The following FBLN1 variants were observed in gnomAD, a reference collection of about 807,000 sequenced individuals.
FBLN1 encodes fibulin-1.
In FBLN1, 34 loss-of-function variants were observed where a neutral mutation model predicts 89.7. That is an observed-to-expected ratio of 0.38 (90% CI 0.29 to 0.50). FBLN1 has a LOEUF of 0.50. Ranked by LOEUF, FBLN1 falls within the 20% of genes least tolerant of loss-of-function variation. FBLN1 has a pLI of 0.92. For missense variants in FBLN1, 777 were observed against 988.1 expected (o/e 0.79, Z 2.86); for synonymous variants, 393 against 391.3 (o/e 1.00, Z -0.05).
rs984619634 is a variant in FBLN1 at position 45,528,791 on chromosome 22, G to C, written c.484+782G>C. ...TCCGTGTCACCATTGCCTTAACTCAGCACGGACTAACTCCGGTTGTCGGAG... is the reference window on the plus strand; with the variant it reads ...TCCGTGTCACCATTGCCTTAACTCACCACGGACTAACTCCGGTTGTCGGAG... On this transcript the variant is annotated intron_variant, in intron 4 of 16. Transcript: ENST00000327858. 4.6e-5 allele frequency among the ~76,000 whole-genome samples: 7 copies of C among 152,130 alleles called. No individual in the cohort carries two copies. The East Asian group carries it at 1.3e-3, about 29-fold the overall frequency.
chr22:45,526,279 T>C (rs1328051392), intron 3 of FBLN1, among the ~76,000 whole-genome samples: 2 of 152,178 alleles, frequency 1.3e-5, no homozygotes, highest in African/African-American at 4.8e-5. Flanking sequence ...CTTCCCTGAG[T>C]GCTCCTAGGA....
At chr22:45,599,711 A>G (rs1477102553) in intron 16 of FBLN1, among the ~76,000 whole-genome samples, 1 of 152,112 alleles carries the variant, frequency 6.6e-6, no homozygotes, top group African/African-American at 2.4e-5. Context: ...TGAGGTCAGG[A>G]GTTTGAGACT....
chr22:45,556,326 G>A lies in FBLN1; in HGVS notation c.1697+5711G>A, dbSNP rs1019138628. ...TTTAAAAGAAGGAGGAAATACTCAC[G>A]ACAATTACAGTCCTCGTTTCTGCAA... On this transcript the variant is annotated intron_variant, in intron 14 of 16. Coordinates refer to ENST00000327858, the MANE Select transcript of FBLN1 (RefSeq NM_006486.3). This position sits in a 1 kb window ranked among gnomAD's most constrained non-coding sequence, Gnocchi z 4.6. 6.6e-6 allele frequency among the ~76,000 whole-genome samples: 1 copy of A among 152,156 alleles called. No homozygotes were observed. The highest frequency in any genetic ancestry group is 2.4e-5 in the African/African-American group (1 of 41,430).
At chr22:45,566,814 C>G (rs1248657517) in intron 14 of FBLN1, among the ~76,000 whole-genome samples, 1 of 152,196 alleles carries the variant, frequency 6.6e-6, no homozygotes, top group Non-Finnish European at 1.5e-5. Context: ...AGAACCTGTG[C>G]TTTCCTGGTT....
At chr22:45,533,736 C>T (rs767352348) in intron 6 of FBLN1, 25 bp from the exon 7 acceptor site, 1 of 1,607,602 alleles carries the variant, frequency 6.2e-7, no homozygotes, top group Non-Finnish European at 8.5e-7. Flanking sequence ...GCTGGTCACC[C>T]CCGCACTGCC....
intron 2 of FBLN1, among the ~76,000 whole-genome samples, chr22:45,523,507 A>G (rs2088279012): frequency 6.6e-6 from 1 of 152,194 alleles, no homozygotes; most frequent in African/African-American, 2.4e-5. Context: ...GTTTGAGACC[A>G]TCCTGGCCAA....
intron 16 of FBLN1, among the ~76,000 whole-genome samples, chr22:45,582,507 C>T (rs12169849): frequency 0.089 from 13,491 of 152,246 alleles, 793 homozygotes; most frequent in South Asian, 0.17. Context: ...GTCACACAGG[C>T]GACCCATCAT....
chr22:45,589,345 T>C (rs542739504), intron 16 of FBLN1, among the ~76,000 whole-genome samples: 25 of 152,146 alleles, frequency 1.6e-4, no homozygotes, highest in African/African-American at 5.8e-4. Context: ...GTTCTACTCT[T>C]TGAGGCTTGA....
chr22:45,555,189 C>T (rs2088769376), intron 14 of FBLN1, among the ~76,000 whole-genome samples: 1 of 150,712 alleles, frequency 6.6e-6, no homozygotes, highest in Non-Finnish European at 1.5e-5. Context: ...TCTGTCTCCA[C>T]CACAAGAAGT....
chr22:45,561,584 T>G lies in FBLN1; in HGVS notation c.1697+10969T>G, dbSNP rs943889419. ...AAGTGGAGTCCTTAGCATTTTTGGA[T>G]CTAATCGTTAACCAGCCAACCCCAG... On this transcript the variant is annotated intron_variant, in intron 14 of 16. Coordinates refer to ENST00000327858, the MANE Select transcript of FBLN1 (RefSeq NM_006486.3). The surrounding 1 kb of genome is among the most constrained non-coding windows in gnomAD (Gnocchi z 4.7). Among the ~76,000 whole-genome samples, 14 of 152,296 alleles carry G rather than the reference T, an allele frequency of 9.2e-5. No individual in the cohort carries two copies. Among genetic ancestry groups the G allele is most frequent in the African/African-American group, 3.1e-4 (13 of 41,560 alleles).
intron 14 of FBLN1, among the ~76,000 whole-genome samples, chr22:45,568,471 C>CCTTCTGTAGGGGAGTGCCT (rs2088917987): frequency 9.6e-6 from 1 of 104,182 alleles, no homozygotes; most frequent in African/African-American, 4.8e-5. Flanking sequence ...GGGGAGTGCT[C>CCTTCTGTAGGGGAGTGCCT]CTTCTGTAGG....
At chr22:45,582,522 C>G (rs999524706) in intron 16 of FBLN1, among the ~76,000 whole-genome samples, 3 of 152,238 alleles carry the variant, frequency 2.0e-5, no homozygotes, top group African/African-American at 7.2e-5. Flanking sequence ...CATCATGCTG[C>G]TCCCTGGGAC....
chr22:45,525,091 AAG>A (rs1405928868), intron 2 of FBLN1, among the ~76,000 whole-genome samples: 1 of 148,782 alleles, frequency 6.7e-6, no homozygotes, highest in African/African-American at 2.5e-5. Flanking sequence ...GAAAGAGAGA[AAG>A]AGAGAAAGGG....
Position 45,527,333 on chromosome 22 carries a change from G to A in FBLN1, c.322-514G>A, listed in dbSNP as rs556854626. Among the ~76,000 whole-genome samples, 11 of 152,292 alleles carry A rather than the reference G, an allele frequency of 7.2e-5. No homozygotes were observed. In the South Asian group the frequency reaches 8.3e-4, roughly 11 times the overall value. On this transcript the variant is annotated intron_variant, in intron 3 of 16. Transcript: ENST00000327858. ...GTCCTTTGACCTTGCTTGATGACTCGTCTTGAAGTTCCTGTGCTTTCAAAT... is the reference window on the plus strand; with the variant it reads ...GTCCTTTGACCTTGCTTGATGACTCATCTTGAAGTTCCTGTGCTTTCAAAT...
chr22:45,523,683 G>A (rs548934331), intron 2 of FBLN1, among the ~76,000 whole-genome samples: 9 of 152,280 alleles, frequency 5.9e-5, no homozygotes, highest in South Asian at 2.1e-4. Context: ...CAGCCTGGGC[G>A]ACAGAGCAAG....
At chr22:45,503,886 C>G (rs1432728577) in intron 1 of FBLN1, among the ~76,000 whole-genome samples, 1 of 152,200 alleles carries the variant, frequency 6.6e-6, no homozygotes, top group Non-Finnish European at 1.5e-5. Context: ...CCGCGCTTTT[C>G]TCCCCTCTAA....
rs1298350920 is a variant in FBLN1, at chr22:45,549,049, CAGAGG to C, written c.1573+306_1573+310del. Among the ~76,000 whole-genome samples, 10 of 152,312 alleles carry C rather than the reference CAGAGG, an allele frequency of 6.6e-5. No homozygotes were observed. In the South Asian group the frequency reaches 2.1e-3, roughly 32 times the overall value. On this transcript the variant is annotated intron_variant, in intron 13 of 16. Transcript: ENST00000327858. This position sits in a 1 kb window ranked among gnomAD's most constrained non-coding sequence, Gnocchi z 5.7. Reference sequence around the variant, plus strand: ...CTCAGCAGCCCCGTAAAGGCTGGAACAGAGGCCTTTAGGAAGATGCCCGCCAGGGA... The same window carrying C: ...CTCAGCAGCCCCGTAAAGGCTGGAACCCTTTAGGAAGATGCCCGCCAGGGA...
intron 8 of FBLN1, among the ~76,000 whole-genome samples, chr22:45,539,491 G>A (rs917936585): frequency 6.6e-6 from 1 of 152,046 alleles, no homozygotes; most frequent in Non-Finnish European, 1.5e-5. Flanking sequence ...GAGCCACCAC[G>A]CCCAGCCTCT....
At chr22:45,585,352 A>T (rs1023709605) in intron 16 of FBLN1, among the ~76,000 whole-genome samples, 5 of 152,244 alleles carry the variant, frequency 3.3e-5, no homozygotes, top group Non-Finnish European at 7.3e-5. Context: ...CCCAGCCAGC[A>T]GGGCCCAGAT....
Sources: allele counts gnomAD v4.1 joint callset (sites outside exome capture counted in the v4.1 genomes callset), GRCh38; gene constraint gnomAD v4.1.1; non-coding constraint Gnocchi (gnomAD v3.1); transcripts MANE v1.5; gene names NCBI Gene and HGNC (gene_info 2026-07-23, HGNC 2026-07-21).